Variants in HSPA4L observed in about 807,000 individuals in gnomAD.
HSPA4L encodes heat shock protein family A (Hsp70) member 4 like.
A neutral mutation model predicts 100.3 loss-of-function variants in HSPA4L; 48 were observed. The ratio of observed to expected loss-of-function variants is 0.48; its 90% confidence interval spans 0.38 to 0.61. HSPA4L has a LOEUF of 0.61. HSPA4L is among the 20% of genes least tolerant of loss of function. HSPA4L has a pLI of 0.00. For missense variants in HSPA4L, 886 were observed against 988.6 expected, an observed-to-expected ratio of 0.90 and a Z score of 1.39; for synonymous variants, 319 against 328.2, an observed-to-expected ratio of 0.97 and a Z score of 0.30.
rs1424671761 is a variant in HSPA4L at position 127,827,415 on chromosome 4, T to C, written c.2157T>C (p.Tyr719=). 2.5e-6 allele frequency: 4 copies of C among 1,613,724 alleles called. No homozygotes were observed. Among genetic ancestry groups the C allele is most frequent in the Admixed American group, 3.3e-5 (2 of 60,018 alleles). Residue 719 remains tyrosine, a synonymous_variant, in exon 17 of 19, where the codon TAT becomes TAC. Transcript: ENST00000296464. The part of the protein sequence containing the change: ...IQLVMKVIEA[Y]RNKDERYDHL... ...TTGTCATGAAAGTGATAGAAGCTTA[T>C]AGAAACAAGGTATTGAATTCATAAA...
intron 17 of HSPA4L, among the ~76,000 whole-genome samples, chr4:127,830,395 C>T (rs1272432427): frequency 6.6e-6 from 1 of 152,018 alleles, no homozygotes; most frequent in Admixed American, 6.6e-5. Context: ...ATGAGTATTC[C>T]TTAGTAGTCA....
chr4:127,822,711 G>T, intron 14 of HSPA4L, 58 bp from the exon 15 acceptor site: 2 of 1,555,230 alleles, frequency 1.3e-6, no homozygotes, highest in Non-Finnish European at 1.8e-6. Flanking sequence ...TTGTGGTTTT[G>T]ATTTCTATTT....
chr4:127,793,992 A>C, intron 1 of HSPA4L, 85 bp from the exon 2 acceptor site: 2 of 861,418 alleles, frequency 2.3e-6, no homozygotes, highest in South Asian at 4.1e-5. Context: ...CTCCTTTTAA[A>C]TTCATTTTCT....
intron 1 of HSPA4L, among the ~76,000 whole-genome samples, chr4:127,784,880 A>G (rs918135738): frequency 1.3e-5 from 2 of 152,262 alleles, no homozygotes; most frequent in Admixed American, 6.5e-5. Flanking sequence ...AGCTTTGCAA[A>G]TAAAATGTTT....
intron 11 of HSPA4L, chr4:127,809,346 C>T: frequency 8.9e-7 from 1 of 1,126,202 alleles, no homozygotes; most frequent in South Asian, 1.2e-5. Flanking sequence ...CGCTGAGCCG[C>T]AGTATATTGC....
chr4:127,805,011 A>G (rs1733310890), intron 8 of HSPA4L, 62 bp from the exon 9 acceptor site: 1 of 1,138,550 alleles, frequency 8.8e-7, no homozygotes, highest in African/African-American at 1.6e-5. Context: ...AAAGTACTCG[A>G]CAAAGCCTTC....
intron 10 of HSPA4L, among the ~76,000 whole-genome samples, chr4:127,807,003 T>G (rs1348464480): frequency 2.0e-5 from 3 of 151,992 alleles, no homozygotes; most frequent in African/African-American, 7.2e-5. Context: ...CTATAAAATT[T>G]AATTTCAGTT....
chr4:127,820,893 C>T (rs112354733), intron 14 of HSPA4L, among the ~76,000 whole-genome samples: 74 of 152,190 alleles, frequency 4.9e-4, no homozygotes, highest in African/African-American at 1.6e-3. Context: ...CCCTCTTCTC[C>T]TGTGTTGTCC....
At chr4:127,813,103 A>G in intron 12 of HSPA4L, 3 of 1,275,818 alleles carry the variant, frequency 2.4e-6, no homozygotes, top group Non-Finnish European at 3.4e-6. Flanking sequence ...TTTCTTATAG[A>G]TTCGCATATA....
chr4:127,794,252 A>G lies in HSPA4L; in HGVS notation c.165+118A>G, dbSNP rs1732959020. On this transcript the variant is annotated intron_variant, in intron 2 of 18. Transcript: ENST00000296464. Reference sequence around the variant, plus strand: ...AGAGAGTGAGGAAAATAGGACAGGTACTACATCTTTGTTTTGTTTTGTTTT... The same window carrying G: ...AGAGAGTGAGGAAAATAGGACAGGTGCTACATCTTTGTTTTGTTTTGTTTT... 8.0e-6 allele frequency: 5 copies of G among 624,684 alleles called. 1 individual carries two copies. Among genetic ancestry groups the G allele is most frequent in the South Asian group, 6.4e-5 (2 of 31,442 alleles). The allele number at this position is 624,684 out of a possible 1,614,324, so 38.7% of individuals were successfully genotyped here. A position where few individuals can be genotyped will look rare whatever the true frequency, so the allele number is the denominator to read the frequency against.
At chr4:127,806,201 C>G (rs531285350) in intron 10 of HSPA4L, among the ~76,000 whole-genome samples, 2 of 152,002 alleles carry the variant, frequency 1.3e-5, no homozygotes, top group Admixed American at 1.3e-4. Context: ...TCTAGTGCAA[C>G]TTAGCTTTTT....
chr4:127,808,716 G>T (rs1381372077), intron 11 of HSPA4L, among the ~76,000 whole-genome samples: 1 of 152,124 alleles, frequency 6.6e-6, no homozygotes, highest in Non-Finnish European at 1.5e-5. Context: ...TGGATACTGA[G>T]GGGACAGCTA....
At chr4:127,791,371 A>G (rs576633690) in intron 1 of HSPA4L, among the ~76,000 whole-genome samples, 1 of 152,216 alleles carries the variant, frequency 6.6e-6, no homozygotes, top group African/African-American at 2.4e-5. Context: ...TGAGCTAGAA[A>G]AAAGGTCCAT....
In HSPA4L at chr4:127,833,000, A is replaced by T; in HGVS notation, c.*126A>T. 1 of 635,452 alleles carries T rather than the reference A, an allele frequency of 1.6e-6. No individual in the cohort carries two copies. 39.4% of individuals were successfully genotyped at this position (635,452 alleles called of 1,614,324 possible). ...ACTTTTGTCATTTGTTTTTTGGAGT[A>T]GTTTTGAAAAGTGTTTTATATTGAG... On this transcript the variant is annotated 3_prime_UTR_variant, in exon 19 of 19. Coordinates refer to ENST00000296464, the MANE Select transcript of HSPA4L (RefSeq NM_014278.4).
intron 8 of HSPA4L, 82 bp from the exon 9 acceptor site, chr4:127,804,991 A>G: frequency 3.6e-6 from 3 of 826,688 alleles, no homozygotes; most frequent in Non-Finnish European, 5.5e-6. Flanking sequence ...AAGTCAATCC[A>G]CTTTTTAAAA....
rs909948848 is a variant in HSPA4L, at chr4:127,838,864, T to C, written c.*5990T>C. ...CAATCACTTGGATAGTTAATTTTAT[T>C]ACTTTTTGTTTCCTTTTTAATATTT... On this transcript the variant is annotated 3_prime_UTR_variant, in exon 19 of 19. Transcript: ENST00000296464. The C allele has an allele frequency of 1.8e-4, 27 of 152,244 alleles. No individual in the cohort carries two copies. The highest frequency in any genetic ancestry group is 1.5e-5 in the Non-Finnish European group (1 of 68,042). 9.4% of individuals were successfully genotyped at this position (152,244 alleles called of 1,614,324 possible).
intron 1 of HSPA4L, among the ~76,000 whole-genome samples, chr4:127,786,759 G>A (rs141170050): frequency 1.3e-5 from 2 of 152,312 alleles, no homozygotes; most frequent in Non-Finnish European, 2.9e-5. Flanking sequence ...GAACCAACGT[G>A]CCTGGCCAGT....
chr4:127,819,396 T>C (rs992700902), intron 13 of HSPA4L, among the ~76,000 whole-genome samples: 5 of 152,100 alleles, frequency 3.3e-5, no homozygotes, highest in Admixed American at 6.5e-5. Flanking sequence ...TTCTCAGAGA[T>C]TGTAAAGATT....
At chr4:127,792,867 A>G (rs1298256164) in intron 1 of HSPA4L, among the ~76,000 whole-genome samples, 3 of 152,202 alleles carry the variant, frequency 2.0e-5, no homozygotes, top group Non-Finnish European at 4.4e-5. Context: ...GAGTGAGAGC[A>G]CCAGCCACAT....
Sources: allele counts gnomAD v4.1 joint callset (sites outside exome capture counted in the v4.1 genomes callset), GRCh38; gene constraint gnomAD v4.1.1; transcripts MANE v1.5; gene names NCBI Gene and HGNC (gene_info 2026-07-23, HGNC 2026-07-21).